Variants in TLK2 observed in about 807,000 individuals in gnomAD.
The protein encoded by TLK2 is serine/threonine-protein kinase tousled-like 2.
TLK2 carries 6 observed loss-of-function variants against 117.3 expected under a neutral mutation model. The ratio of observed to expected loss-of-function variants is 0.05; its 90% CI spans 0.03 to 0.10. The LOEUF is 0.10. TLK2 is among the 10% of genes least tolerant of loss of function. TLK2 has a pLI of 1.00. For synonymous variants in TLK2, 257 were observed against 316.7 expected, an observed-to-expected ratio of 0.81 and a Z score of 2.00; for missense variants, 299 against 901.2, an observed-to-expected ratio of 0.33 and a Z score of 8.56.
chr17:62,607,012 C>CTT (rs10680028), intron 20 of TLK2, among the ~76,000 whole-genome samples: 66,496 of 123,484 alleles, frequency 0.54, 19,287 homozygotes, highest in East Asian at 0.81. Context: ...TCTCCTTGGT[C>CTT]TTTTTTTTTT....
intron 7 of TLK2, among the ~76,000 whole-genome samples, chr17:62,536,739 G>GACTGTGA (rs2077139298): frequency 1.3e-5 from 2 of 152,100 alleles, no homozygotes; most frequent in South Asian, 4.1e-4. Flanking sequence ...TTAGTATGTA[G>GACTGTGA]GCAGGCATTC....
At chr17:62,487,751 A>G (rs9675244) in intron 2 of TLK2, among the ~76,000 whole-genome samples, 54,132 of 147,046 alleles carry the variant, frequency 0.37, 10,013 homozygotes, top group Admixed American at 0.41. Flanking sequence ...AGCCTCCCAA[A>G]TAGCTGGGAT....
rs1443104533 is a variant in TLK2 at position 62,578,463 on chromosome 17, C to A, written c.1189-14C>A. 1 of 1,610,950 alleles carries A rather than the reference C, an allele frequency of 6.2e-7. No individual in the cohort carries two copies. Among genetic ancestry groups the A allele is most frequent in the African/African-American group, 1.3e-5 (1 of 74,952 alleles). ...TCCCCCTATTTTGTGCTATTTCTTT[C>A]CTTTTCGCTTTAGGAGGAAGCAGAG... is the stretch of plus-strand genomic sequence containing the variant. On this transcript the variant is annotated splice_polypyrimidine_tract_variant and intron_variant, in intron 13 of 21. Coordinates refer to ENST00000346027, the MANE Select transcript of TLK2 (RefSeq NM_006852.6).
intron 21 of TLK2, among the ~76,000 whole-genome samples, chr17:62,608,531 A>G (rs755150310): frequency 7.9e-5 from 12 of 152,238 alleles, no homozygotes; most frequent in Non-Finnish European, 8.8e-5. Context: ...AGGAGAAATT[A>G]TATAAGAGTA....
At position 62,613,744 on chromosome 17, in the gene TLK2, GTGTC is replaced by G. The variant is rs1326572208; in HGVS notation, c.*1183_*1186del. On this transcript the variant is annotated 3_prime_UTR_variant, in exon 22 of 22. Coordinates refer to ENST00000346027, the MANE Select transcript of TLK2 (RefSeq NM_006852.6). ...GAATTTTGTGGGTGTGTGGTGGTGT[GTGTC>G]TGTGTGTGCATGTACACACACACTT... 2.0e-5 allele frequency: 3 copies of G among 152,180 alleles called. No individual in the cohort carries two copies. Among genetic ancestry groups the G allele is most frequent in the African/African-American group, 4.8e-5 (2 of 41,432 alleles). 9.4% of individuals were successfully genotyped at this position (152,180 alleles called of 1,614,324 possible).
At chr17:62,580,263 A>G in intron 15 of TLK2, 71 bp downstream of exon 15, 1 of 1,135,330 alleles carries the variant, frequency 8.8e-7, no homozygotes, top group Non-Finnish European at 1.3e-6. Context: ...GAGAACATTA[A>G]GAATACTGAT....
At chr17:62,564,333 C>T (rs1377390166) in intron 10 of TLK2, among the ~76,000 whole-genome samples, 2 of 152,052 alleles carry the variant, frequency 1.3e-5, no homozygotes, top group African/African-American at 4.8e-5. Flanking sequence ...GTCAGGAGTT[C>T]AAGACCAGCC....
intron 2 of TLK2, among the ~76,000 whole-genome samples, chr17:62,520,383 GA>G (rs1398739710): frequency 1.3e-5 from 2 of 152,082 alleles, no homozygotes; most frequent in Non-Finnish European, 2.9e-5. Context: ...CAGGAATAAA[GA>G]AAGCCCTCAG....
Position 62,586,764 on chromosome 17 carries a change from T to C in TLK2, c.1460+538T>C, listed in dbSNP as rs1312213668. Among the ~76,000 whole-genome samples, 3 of 151,264 alleles carry C rather than the reference T, an allele frequency of 2.0e-5. No homozygotes were observed. The East Asian group carries it at 5.8e-4, about 29-fold the overall frequency. On this transcript the variant is annotated intron_variant, in intron 16 of 21. Coordinates refer to ENST00000346027, the MANE Select transcript of TLK2 (RefSeq NM_006852.6). ...TGAACTCGGGAGGCAGAGCTTGCAG[T>C]GAGCCGAGATCACGTCACTGCACTC... is the stretch of plus-strand genomic sequence containing the variant.
intron 2 of TLK2, among the ~76,000 whole-genome samples, chr17:62,484,794 C>T (rs1347939493): frequency 1.3e-5 from 2 of 152,028 alleles, no homozygotes; most frequent in Admixed American, 6.6e-5. Context: ...CGGTGGCTCA[C>T]GCCTGTAATC....
intron 7 of TLK2, among the ~76,000 whole-genome samples, chr17:62,546,683 G>A (rs1326712828): frequency 2.0e-5 from 3 of 151,082 alleles, no homozygotes; most frequent in Non-Finnish European, 2.9e-5. Flanking sequence ...AGCCTCCCGA[G>A]TAATTGGGAC....
chr17:62,525,325 T>G (rs2076297657), intron 6 of TLK2, among the ~76,000 whole-genome samples: 1 of 152,208 alleles, frequency 6.6e-6, no homozygotes, highest in African/African-American at 2.4e-5. Context: ...CCCCCTCTAC[T>G]GTCTCATAAA....
chr17:62,487,010 C>G (rs1232928166), intron 2 of TLK2, among the ~76,000 whole-genome samples: 3 of 152,154 alleles, frequency 2.0e-5, no homozygotes, highest in Non-Finnish European at 4.4e-5. Context: ...AATATGATTG[C>G]AGGCTGGGCG....
intron 20 of TLK2, 63 bp downstream of exon 20, chr17:62,606,304 G>A (rs2083296152): frequency 2.1e-6 from 2 of 936,742 alleles, no homozygotes; most frequent in Non-Finnish European, 3.2e-6. Flanking sequence ...CACACACAGT[G>A]CCTTGGTATG....
At chr17:62,591,120 G>A (rs528126593) in intron 16 of TLK2, among the ~76,000 whole-genome samples, 10 of 152,144 alleles carry the variant, frequency 6.6e-5, no homozygotes, top group African/African-American at 2.4e-4. Flanking sequence ...ATGGTGGCAC[G>A]CACCTGTAAT....
chr17:62,538,653 T>C (rs1318005631), intron 7 of TLK2, among the ~76,000 whole-genome samples: 1 of 152,032 alleles, frequency 6.6e-6, no homozygotes, highest in African/African-American at 2.4e-5. Flanking sequence ...ATCAGAGGAG[T>C]AGCAGATGCT....
chr17:62,563,342 G>A (rs946868613), intron 10 of TLK2, among the ~76,000 whole-genome samples: 4 of 152,180 alleles, frequency 2.6e-5, no homozygotes, highest in African/African-American at 9.7e-5. Context: ...TACTCAGGAG[G>A]CTGAGGTGGG....
At chr17:62,574,402 T>C in intron 12 of TLK2, 1 of 1,370,534 alleles carries the variant, frequency 7.3e-7, no homozygotes, top group Non-Finnish European at 1.0e-6. Flanking sequence ...GAGCCCACAG[T>C]TTACTTAGGT....
chr17:62,479,435 G>T (rs954999630), intron 1 of TLK2, 145 bp downstream of exon 1: 2 of 155,148 alleles, frequency 1.3e-5, no homozygotes, highest in Admixed American at 1.3e-4. Context: ...GAGGCGGGAG[G>T]GGCTCCCTGA....
Sources: allele counts gnomAD v4.1 joint callset (sites outside exome capture counted in the v4.1 genomes callset), GRCh38; gene constraint gnomAD v4.1.1; transcripts MANE v1.5; gene names NCBI Gene and HGNC (gene_info 2026-07-23, HGNC 2026-07-21).